Variants in INPP5F observed in about 807,000 individuals in gnomAD.
INPP5F encodes inositol polyphosphate-5-phosphatase F.
In INPP5F, 97 loss-of-function variants were observed where a neutral mutation model predicts 137.2. The observed-to-expected ratio is 0.71, with a 90% CI of 0.60 to 0.84. INPP5F has a LOEUF of 0.84. Among genes scored for constraint, INPP5F ranks in the 40% least tolerant of loss-of-function variants. The pLI, the probability that INPP5F is intolerant of heterozygous loss-of-function variation, is 0.00. For missense variants in INPP5F, 1,271 were observed against 1,371.9 expected (o/e 0.93, Z 1.16); for synonymous variants, 504 against 476.9 (o/e 1.06, Z -0.74).
intron 16 of INPP5F, among the ~76,000 whole-genome samples, chr10:119,821,628 A>G (rs1183704065): frequency 1.3e-5 from 2 of 151,848 alleles, no homozygotes; most frequent in African/African-American, 4.8e-5. Context: ...TTCATTCTCG[A>G]TTTTGGATAT....
intron 9 of INPP5F, among the ~76,000 whole-genome samples, chr10:119,803,760 T>C (rs1447743345): frequency 6.6e-6 from 1 of 152,244 alleles, no homozygotes. Context: ...TATATGTTTC[T>C]GTTAATTCAG....
At chr10:119,819,560 CTT>C (rs1380129665) in intron 15 of INPP5F, 4 of 1,581,480 alleles carry the variant, frequency 2.5e-6, no homozygotes, top group African/African-American at 1.3e-5. Flanking sequence ...ACGCGTAAAA[CTT>C]AACATTTTAC....
intron 15 of INPP5F, chr10:119,819,813 A>G (rs1366033989): frequency 3.3e-6 from 1 of 298,982 alleles, no homozygotes; most frequent in African/African-American, 2.2e-5. Flanking sequence ...TCTGATGTAA[A>G]AAACTGCAGT....
At chr10:119,773,231 A>AT (rs1294483581) in intron 2 of INPP5F, among the ~76,000 whole-genome samples, 1 of 151,184 alleles carries the variant, frequency 6.6e-6, no homozygotes, top group Non-Finnish European at 1.5e-5. Context: ...TAATTTTTGT[A>AT]TTTTTTGTAG....
intron 3 of INPP5F, among the ~76,000 whole-genome samples, chr10:119,782,167 A>G (rs888301481): frequency 6.6e-6 from 1 of 152,258 alleles, no homozygotes; most frequent in African/African-American, 2.4e-5. Context: ...GCATTTCTTG[A>G]AAATTTTCTA....
At chr10:119,801,986 G>A (rs984575346) in intron 9 of INPP5F, among the ~76,000 whole-genome samples, 1 of 152,092 alleles carries the variant, frequency 6.6e-6, no homozygotes, top group Non-Finnish European at 1.5e-5. Flanking sequence ...CTTTTCCTGG[G>A]TAATTACTTT....
chr10:119,750,511 TTC>T (rs753956673), intron 1 of INPP5F, among the ~76,000 whole-genome samples: 21 of 152,298 alleles, frequency 1.4e-4, no homozygotes, highest in Admixed American at 2.0e-4. Context: ...CAAATCACTG[TTC>T]TGTGGTTTAG....
chr10:119,790,581 C>T lies in INPP5F; in HGVS notation c.316-936C>T, dbSNP rs141540789. On this transcript the variant is annotated intron_variant, in intron 3 of 19. Transcript: ENST00000650623. Reference sequence around the variant, plus strand: ...CTCTCTCTCAATCAAAGCTTAAACTCGCTTTTCTTCTCACTTTATCTTAAT... The same window carrying T: ...CTCTCTCTCAATCAAAGCTTAAACTTGCTTTTCTTCTCACTTTATCTTAAT... Among the ~76,000 whole-genome samples the T allele has an allele frequency of 8.1e-4, 123 of 152,256 alleles. 2 individuals carry two copies. Among genetic ancestry groups the T allele is most frequent in the Middle Eastern group, 6.8e-3 (2 of 294 alleles).
At chr10:119,796,085 AG>A (rs1850371085) in intron 6 of INPP5F, among the ~76,000 whole-genome samples, 2 of 26,952 alleles carry the variant, frequency 7.4e-5, no homozygotes, top group Admixed American at 4.8e-4. Flanking sequence ...GGAGAGGGGG[AG>A]GGGGAGGGGG....
Position 119,797,660 on chromosome 10 carries a change from G to T in INPP5F, c.1048+20G>T. The T allele has an allele frequency of 6.4e-7, 1 of 1,557,708 alleles. No homozygotes were observed. The highest frequency in any genetic ancestry group is 1.2e-5 in the South Asian group (1 of 82,374). ...ACAGAAGTAAGCAGGTCAATTATTGGGTTTGCAAATGATGATTTCAGAGAG... is the reference window on the plus strand; with the variant it reads ...ACAGAAGTAAGCAGGTCAATTATTGTGTTTGCAAATGATGATTTCAGAGAG... On this transcript the variant is annotated intron_variant, in intron 8 of 19. Transcript: ENST00000650623.
chr10:119,758,273 C>A (rs556550347), intron 2 of INPP5F, among the ~76,000 whole-genome samples: 1 of 152,164 alleles, frequency 6.6e-6, no homozygotes, highest in Non-Finnish European at 1.5e-5. Context: ...GCTGGTGCTC[C>A]TGGATGGAAA....
At chr10:119,794,523 T>C (rs1367123610) in intron 6 of INPP5F, among the ~76,000 whole-genome samples, 3 of 151,932 alleles carry the variant, frequency 2.0e-5, no homozygotes, top group Admixed American at 1.3e-4. Context: ...CCGTTCTCAA[T>C]GAGCTGTTGG....
chr10:119,786,374 T>G (rs552429428), intron 3 of INPP5F, among the ~76,000 whole-genome samples: 108 of 152,362 alleles, frequency 7.1e-4, no homozygotes, highest in African/African-American at 2.4e-3. Flanking sequence ...TGGGGCTCTG[T>G]GTAAACAAAA....
At chr10:119,785,736 G>T (rs1849885992) in intron 3 of INPP5F, among the ~76,000 whole-genome samples, 3 of 152,118 alleles carry the variant, frequency 2.0e-5, no homozygotes, top group Admixed American at 6.5e-5. Flanking sequence ...GTGTGTACCT[G>T]TAGTCACAGG....
At chr10:119,814,379 T>G (rs1851177110) in intron 15 of INPP5F, 1 of 151,806 alleles carries the variant, frequency 6.6e-6, no homozygotes, top group African/African-American at 2.4e-5. Flanking sequence ...AGAGTGAGGC[T>G]CCATCTCAAA....
At position 119,826,896 on chromosome 10, in the gene INPP5F, G is replaced by C; in HGVS notation, c.2515G>C (p.Val839Leu). Residue 839 changes from valine (V) to leucine (L), a missense_variant, in exon 20 of 20, where the codon GTG becomes CTG. Coordinates refer to ENST00000650623, the MANE Select transcript of INPP5F (RefSeq NM_014937.4). ...TCTTGAAACTATGGAAAACACAGGA[G>C]TGATGGATAAGGTTCAGGCAGAGTC... ...SSLETMENTG[V>L]MDKVQAESDG... 1 of 1,614,126 alleles carries C rather than the reference G, an allele frequency of 6.2e-7. No individual in the cohort carries two copies. The highest frequency in any genetic ancestry group is 8.5e-7 in the Non-Finnish European group (1 of 1,179,994).
intron 19 of INPP5F, among the ~76,000 whole-genome samples, chr10:119,826,279 T>C (rs1379003243): frequency 2.0e-5 from 3 of 152,240 alleles, no homozygotes; most frequent in African/African-American, 7.2e-5. Context: ...GCTGTAATTA[T>C]AGAACACCAC....
chr10:119,784,520 A>C (rs571790171), intron 3 of INPP5F, among the ~76,000 whole-genome samples: 57 of 152,350 alleles, frequency 3.7e-4, no homozygotes, highest in African/African-American at 1.3e-3. Context: ...TTCCAGCAGC[A>C]TCCTTTAATG....
chr10:119,726,236 C>G lies in INPP5F; in HGVS notation c.-27C>G. 1 of 1,414,700 alleles carries G rather than the reference C, an allele frequency of 7.1e-7. No individual in the cohort carries two copies. Among genetic ancestry groups the G allele is most frequent in the Non-Finnish European group, 9.3e-7 (1 of 1,077,056 alleles). 87.6% of individuals were successfully genotyped at this position (1,414,700 alleles called of 1,614,324 possible). A position where few individuals can be genotyped will look rare whatever the true frequency, so the allele number is the denominator to read the frequency against. On this transcript the variant is annotated 5_prime_UTR_variant, in exon 1 of 20. Coordinates refer to ENST00000650623, the MANE Select transcript of INPP5F (RefSeq NM_014937.4). ...CGCCCCGTGCGCCGCCCGCGGGCCG[C>G]CGCCTCCCTGGGCGCGCGGGGCCAG... is the stretch of plus-strand genomic sequence containing the variant.
Sources: gnomAD v4.1 joint callset for allele counts (sites outside exome capture counted in the v4.1 genomes callset) on GRCh38, gnomAD v4.1.1 for gene constraint, MANE v1.5 for transcripts, NCBI Gene and HGNC (gene_info 2026-07-23, HGNC 2026-07-21) for gene names.